DTNBP1: variants seen among roughly 807,000 people sequenced by gnomAD.
DTNBP1 encodes dysbindin.
In DTNBP1, 35 loss-of-function variants were observed where a neutral mutation model predicts 42.8. The observed-to-expected ratio is 0.82, with a 90% CI of 0.63 to 1.09. The LOEUF (loss-of-function observed/expected upper bound fraction) is 1.09. DTNBP1 is among the 50% of genes least tolerant of loss of function. DTNBP1 has a pLI of 0.00. For synonymous variants in DTNBP1, 171 were observed against 162.2 expected, an observed-to-expected ratio of 1.05 and a Z score of -0.41; for missense variants, 457 against 424.2, an observed-to-expected ratio of 1.08 and a Z score of -0.68.
chr6:15,552,425 T>C (rs1293204820), intron 7 of DTNBP1, among the ~76,000 whole-genome samples: 1 of 152,166 alleles, frequency 6.6e-6, no homozygotes, highest in Non-Finnish European at 1.5e-5. Context: ...TATAAGCTGA[T>C]ATTATTTATT....
chr6:15,532,846 C>T (rs1209239941), intron 8 of DTNBP1, among the ~76,000 whole-genome samples: 4 of 151,538 alleles, frequency 2.6e-5, no homozygotes, highest in Non-Finnish European at 5.9e-5. Context: ...ATTAGAGACA[C>T]GCGCCACCAC....
At chr6:15,568,017 A>C (rs1394310563) in intron 7 of DTNBP1, among the ~76,000 whole-genome samples, 1 of 152,216 alleles carries the variant, frequency 6.6e-6, no homozygotes, top group African/African-American at 2.4e-5. Flanking sequence ...ATGCTGCCCC[A>C]AAATATGGTA....
chr6:15,610,512 C>T (rs546378654), intron 6 of DTNBP1, among the ~76,000 whole-genome samples: 1 of 152,070 alleles, frequency 6.6e-6, no homozygotes, highest in South Asian at 2.1e-4. Context: ...AAATCAAAAG[C>T]TAGAAATAAT....
chr6:15,573,443 G>A (rs1028522302), intron 7 of DTNBP1, among the ~76,000 whole-genome samples: 2 of 152,092 alleles, frequency 1.3e-5, no homozygotes, highest in Admixed American at 6.5e-5. Flanking sequence ...ACAGAGTATG[G>A]TCAGTCTATA....
chr6:15,579,997 T>A, intron 7 of DTNBP1: 1 of 238,992 alleles, frequency 4.2e-6, no homozygotes, highest in Non-Finnish European at 8.8e-6. Flanking sequence ...AAACAATTCA[T>A]TTGAATAAAA....
intron 1 of DTNBP1, among the ~76,000 whole-genome samples, 184 bp downstream of exon 1, chr6:15,662,630 T>A (rs1410655766): frequency 2.0e-5 from 3 of 151,514 alleles, no homozygotes; most frequent in African/African-American, 7.3e-5. Flanking sequence ...GGGACCTAAG[T>A]TACTTTGCGC....
intron 6 of DTNBP1, among the ~76,000 whole-genome samples, chr6:15,613,516 G>A (rs954293454): frequency 4.0e-5 from 6 of 151,374 alleles, no homozygotes; most frequent in South Asian, 2.1e-4. Flanking sequence ...ACAGGCGCCC[G>A]CCACCACACC....
At chr6:15,641,600 C>T (rs73373627) in intron 3 of DTNBP1, among the ~76,000 whole-genome samples, 1 of 152,100 alleles carries the variant, frequency 6.6e-6, no homozygotes, top group Non-Finnish European at 1.5e-5. Flanking sequence ...ATCTGGTGGC[C>T]AACTCGTGTG....
chr6:15,622,662 G>A (rs1410863815), intron 5 of DTNBP1, among the ~76,000 whole-genome samples: 3 of 152,204 alleles, frequency 2.0e-5, no homozygotes, highest in Non-Finnish European at 4.4e-5. Context: ...TATAACAACC[G>A]CATATGTCTC....
intron 8 of DTNBP1, among the ~76,000 whole-genome samples, chr6:15,527,076 A>G (rs950783989): frequency 5.9e-5 from 9 of 152,258 alleles, no homozygotes; most frequent in Non-Finnish European, 1.2e-4. Context: ...ATAATTAAGA[A>G]GAAAGCTGAT....
chr6:15,639,153 G>C (rs1760197286), intron 3 of DTNBP1, among the ~76,000 whole-genome samples: 1 of 152,156 alleles, frequency 6.6e-6, no homozygotes, highest in South Asian at 2.1e-4. Context: ...TGGAATAATT[G>C]ATGGAATCTG....
chr6:15,594,275 C>T lies in DTNBP1; in HGVS notation c.489-1194G>A, dbSNP rs565784545. 6.4e-4 allele frequency among the ~76,000 whole-genome samples: 98 copies of T among 152,050 alleles called. 1 individual carries two copies. Among genetic ancestry groups the T allele is most frequent in the Middle Eastern group, 3.4e-3 (1 of 294 alleles). ...GTCAGGAGTTCGAGATCAGCCTGGCCAACATGGTGAAACCCCGTCTCTACT... is the reference window on the plus strand; with the variant it reads ...GTCAGGAGTTCGAGATCAGCCTGGCTAACATGGTGAAACCCCGTCTCTACT... On this transcript the variant is annotated intron_variant, in intron 6 of 9. Coordinates refer to ENST00000344537, the MANE Select transcript of DTNBP1 (RefSeq NM_032122.5).
chr6:15,637,454 C>T (rs1284951176), intron 4 of DTNBP1, among the ~76,000 whole-genome samples: 2 of 152,094 alleles, frequency 1.3e-5, no homozygotes, highest in Admixed American at 6.5e-5. Context: ...ACATATATTG[C>T]AAATTCATCA....
chr6:15,650,753 T>G (rs978644150), intron 3 of DTNBP1, among the ~76,000 whole-genome samples: 2 of 152,200 alleles, frequency 1.3e-5, no homozygotes, highest in African/African-American at 4.8e-5. Flanking sequence ...CTTTATATAT[T>G]CTGGATACAT....
At position 15,602,835 on chromosome 6, in the gene DTNBP1, C is replaced by CA. The variant is rs1400723887; in HGVS notation, c.489-9755dup. Among the ~76,000 whole-genome samples, 12 of 152,270 alleles carry CA rather than the reference C, an allele frequency of 7.9e-5. No individual in the cohort carries two copies. The South Asian group carries it at 8.3e-4, about 11-fold the overall frequency. ...TTTAGGTTTTCATGCCTCTTAAAAA[C>CA]AAAAAGCTTGAACCCCAGCGTGTCA... is the stretch of plus-strand genomic sequence containing the variant. On this transcript the variant is annotated intron_variant, in intron 6 of 9. Coordinates refer to ENST00000344537, the MANE Select transcript of DTNBP1 (RefSeq NM_032122.5).
chr6:15,649,599 G>A (rs535752952), intron 3 of DTNBP1, among the ~76,000 whole-genome samples: 12 of 152,212 alleles, frequency 7.9e-5, no homozygotes, highest in Admixed American at 2.0e-4. Context: ...CCATGTGAAC[G>A]TACTCAGCAC....
At chr6:15,540,512 A>G (rs75778460) in intron 7 of DTNBP1, among the ~76,000 whole-genome samples, 2 of 152,264 alleles carry the variant, frequency 1.3e-5, no homozygotes, top group South Asian at 4.1e-4. Context: ...CTTCTGCTTT[A>G]AAAGTTTGAT....
intron 6 of DTNBP1, among the ~76,000 whole-genome samples, chr6:15,612,428 G>A (rs979755546): frequency 6.6e-6 from 1 of 151,930 alleles, no homozygotes; most frequent in African/African-American, 2.4e-5. Context: ...ATATCTTTGA[G>A]GTATTGCTAT....
Position 15,535,230 on chromosome 6 carries a change from C to T in DTNBP1, c.512-1835G>A, listed in dbSNP as rs149541379. On this transcript the variant is annotated intron_variant, in intron 7 of 9. Coordinates refer to ENST00000344537, the MANE Select transcript of DTNBP1 (RefSeq NM_032122.5). Reference sequence around the variant, plus strand: ...CTCCACCTTGTGAAGGAGCCTGCTTCCCCTTCTGCCATGATCATAAGTTTC... The same window carrying T: ...CTCCACCTTGTGAAGGAGCCTGCTTTCCCTTCTGCCATGATCATAAGTTTC... 5.0e-3 allele frequency among the ~76,000 whole-genome samples: 769 copies of T among 152,278 alleles called. 5 individuals are homozygous for T. Among genetic ancestry groups the T allele is most frequent in the South Asian group, 0.011 (53 of 4,826 alleles).
Sources: allele counts gnomAD v4.1 joint callset (sites outside exome capture counted in the v4.1 genomes callset), GRCh38; gene constraint gnomAD v4.1.1; transcripts MANE v1.5; gene names NCBI Gene and HGNC (gene_info 2026-07-23, HGNC 2026-07-21).